ZNF730: variants seen among roughly 807,000 people sequenced by gnomAD.
ZNF730 encodes the protein zinc finger protein 730.
Under a neutral mutation model 12.6 loss-of-function variants are expected in ZNF730, and 12 were observed. The observed-to-expected ratio is 0.95, with a 90% CI of 0.61 to 1.54. The LOEUF (loss-of-function observed/expected upper bound fraction) is 1.54. ZNF730 is among the 40% of genes most tolerant of loss of function. The probability of loss-of-function intolerance (pLI) is 0.00; values close to 1 mark genes in which losing one functional copy is unlikely to be tolerated. For missense variants in ZNF730, 643 were observed against 583.5 expected (o/e 1.10, Z -1.05); for synonymous variants, 194 against 195.8 (o/e 0.99, Z 0.08).
At chr19:23,116,991 G>C, upstream of ZNF730, 1 of 932,328 alleles carries the variant, frequency 1.1e-6, no homozygotes, top group Non-Finnish European at 1.4e-6. Context: ...GCCCGCAGCT[G>C]GAGCAGACAG....
At chr19:23,114,295 TTTTTC>T (rs1231303053), upstream of ZNF730, among the ~76,000 whole-genome samples, 7 of 12,444 alleles carry the variant, frequency 5.6e-4, no homozygotes, top group African/African-American at 9.3e-4. Flanking sequence ...GTTGTTTTTC[TTTTTC>T]TTTTCTTTTT....
intron 1 of ZNF730, among the ~76,000 whole-genome samples, chr19:23,089,495 C>T (rs181519290): frequency 5.2e-4 from 79 of 152,184 alleles, no homozygotes; most frequent in African/African-American, 1.5e-3. Flanking sequence ...ATTATTGAAT[C>T]GTGGGGTCTG....
chr19:23,127,427 G>A (rs1308665118), intron 1 of ZNF730: 1 of 1,059,392 alleles, frequency 9.4e-7, no homozygotes, highest in South Asian at 1.4e-5. Flanking sequence ...TTTCATCTTT[G>A]TGAATTCTTC....
At chr19:23,098,027 C>T (rs1970281099) in intron 1 of ZNF730, among the ~76,000 whole-genome samples, 1 of 152,010 alleles carries the variant, frequency 6.6e-6, no homozygotes, top group Non-Finnish European at 1.5e-5. Context: ...CCCTGTAGTC[C>T]TGGCTACTTG....
At chr19:23,126,061 G>C in intron 1 of ZNF730, among the ~76,000 whole-genome samples, 1 of 152,144 alleles carries the variant, frequency 6.6e-6, no homozygotes, top group Admixed American at 6.5e-5. Context: ...ATATTCAGTA[G>C]TTAAAAATAA....
At chr19:23,116,573 C>CTTTTTTTTTTTTTTTT (rs5827552), upstream of ZNF730, among the ~76,000 whole-genome samples, 2 of 86,932 alleles carry the variant, frequency 2.3e-5, no homozygotes, top group Non-Finnish European at 4.2e-5. Context: ...CTCCCAGCTA[C>CTTTTTTTTTTTTTTTT]TTTTTTTTTT....
In ZNF730 at chr19:23,109,824, G is replaced by A. The variant is rs550124235; in HGVS notation, c.-93-24256G>A. ...GGCCTCCCAAAGTGCTGAGATTACA[G>A]GCGTGAGCCACCGTGCCCAGCCAAT... On this transcript the variant is annotated intron_variant, in intron 1 of 2. Coordinates refer to the ZNF730 transcript ENST00000593635. Among the ~76,000 whole-genome samples, 12 of 152,148 alleles carry A rather than the reference G, an allele frequency of 7.9e-5. No individual in the cohort carries two copies. In the East Asian group the frequency reaches 2.3e-3, roughly 29 times the overall value.
At chr19:23,110,866 T>TA (rs1970453266) in intron 1 of ZNF730, among the ~76,000 whole-genome samples, 1 of 152,224 alleles carries the variant, frequency 6.6e-6, no homozygotes, top group African/African-American at 2.4e-5. Flanking sequence ...CATATTGTGT[T>TA]AAATCAGCCA....
At chr19:23,101,260 G>GC (rs2145535512) in intron 1 of ZNF730, among the ~76,000 whole-genome samples, 1 of 147,476 alleles carries the variant, frequency 6.8e-6, no homozygotes, top group African/African-American at 2.5e-5. Flanking sequence ...CAGAGACTGT[G>GC]AAAAGTTGAA....
rs57769795 is a variant in ZNF730, at chr19:23,144,700, C to CAAAAAA, written c.227-560_227-555dup. Among the ~76,000 whole-genome samples, 18 of 85,782 alleles carry CAAAAAA rather than the reference C, an allele frequency of 2.1e-4. 1 individual carries two copies. The highest frequency in any genetic ancestry group is 6.7e-4 in the Admixed American group (4 of 5,958). 56.3% of individuals were successfully genotyped at this position (85,782 alleles called of 152,430 possible). ...GGGTGACAGAGCAAGACTCTTGTCT[C>CAAAAAA]AAAAAAAAAAAAAAAATTAGTAATC... On this transcript the variant is annotated intron_variant, in intron 3 of 3. Transcript: ENST00000597761.
At chr19:23,075,314 C>T (rs1969836746) in exon 1 of ZNF730, 1 of 153,700 alleles carries the variant, frequency 6.5e-6, no homozygotes, top group Non-Finnish European at 1.5e-5. Context: ...GTCACAGACT[C>T]TGTTGCCCTG....
At position 23,146,021 on chromosome 19, in the gene ZNF730, C is replaced by T. The variant is rs1471336591; in HGVS notation, c.977C>T (p.Thr326Ile). 1 of 1,606,582 alleles carries T rather than the reference C, an allele frequency of 6.2e-7. No homozygotes were observed. Among genetic ancestry groups the T allele is most frequent in the Non-Finnish European group, 8.5e-7 (1 of 1,177,942 alleles). ...KCGKAFKWSS[T>I]LTKHKRIHNG... ...GGCAAAGCTTTTAAGTGGTCCTCAA[C>T]CCTTACAAAACATAAAAGAATTCAT... The change falls in exon 4 of 4, where the codon ACC (threonine) becomes ATC (isoleucine). Residue 326 changes from threonine to isoleucine, a missense_variant. Coordinates refer to ENST00000597761, the MANE Select transcript of ZNF730 (RefSeq NM_001277403.2).
rs181628978 is a variant in ZNF730, at chr19:23,119,795, G to A, written c.3+2619G>A. On this transcript the variant is annotated intron_variant, in intron 1 of 3. Coordinates refer to ENST00000597761, the MANE Select transcript of ZNF730 (RefSeq NM_001277403.2). The stretch of plus-strand genomic sequence containing the variant: ...TCGCGCCACTGCACTCCAGCCTGGC[G>A]ACAGAATGAGACTCCGTCTCAAAAA... Among the ~76,000 whole-genome samples the A allele has an allele frequency of 3.3e-3, 506 of 152,198 alleles. 4 individuals are homozygous for A. The highest frequency in any genetic ancestry group is 9.2e-3 in the African/African-American group (384 of 41,552).
intron 1 of ZNF730, chr19:23,125,923 C>T (rs1244803083): frequency 1.3e-5 from 2 of 152,342 alleles, no homozygotes; most frequent in African/African-American, 4.8e-5. Flanking sequence ...TAAAAACTCT[C>T]ACTGTTATTG....
intron 1 of ZNF730, among the ~76,000 whole-genome samples, chr19:23,078,576 A>G (rs1969908040): frequency 6.6e-6 from 1 of 152,140 alleles, no homozygotes; most frequent in Non-Finnish European, 1.5e-5. Flanking sequence ...GAGATGGTAG[A>G]GATAATGATC....
At chr19:23,114,671 G>A (rs1018112152), upstream of ZNF730, among the ~76,000 whole-genome samples, 1 of 152,140 alleles carries the variant, frequency 6.6e-6, no homozygotes, top group Non-Finnish European at 1.5e-5. Flanking sequence ...TTTTCTTTTA[G>A]AAGTTTTCAA....
intron 1 of ZNF730, chr19:23,126,691 T>C: frequency 2.1e-6 from 1 of 483,578 alleles, no homozygotes; most frequent in South Asian, 1.6e-5. Flanking sequence ...GCAGCAATGC[T>C]TCTTGTCTTA....
chr19:23,137,100 A>ATGG (rs34065031), intron 3 of ZNF730, among the ~76,000 whole-genome samples: 86,586 of 151,782 alleles, frequency 0.57, 26,560 homozygotes, highest in South Asian at 0.73. Flanking sequence ...AATCTGGGAA[A>ATGG]TGGAGGTTGC....
rs1024908401 is a variant in ZNF730 at position 23,117,055 on chromosome 19, A to C, written c.-119A>C. On this transcript the variant is annotated 5_prime_UTR_variant, in exon 1 of 4. Transcript: ENST00000597761. The stretch of plus-strand genomic sequence containing the variant: ...TGTTTCTCGCTGCCGCCGAAGCTCC[A>C]ATTTTCGTCTGTCTGCTTTGTGTCC... 2.6e-5 allele frequency: 40 copies of C among 1,522,854 alleles called. No individual in the cohort carries two copies. Among genetic ancestry groups the C allele is most frequent in the Admixed American group, 9.9e-5 (5 of 50,696 alleles). 94.3% of individuals were successfully genotyped at this position (1,522,854 alleles called of 1,614,324 possible).
Sources: gnomAD v4.1 joint callset for allele counts (sites outside exome capture counted in the v4.1 genomes callset) on GRCh38, gnomAD v4.1.1 for gene constraint, MANE v1.5 for transcripts, NCBI Gene and HGNC (gene_info 2026-07-23, HGNC 2026-07-21) for gene names.